NME5: variants seen among roughly 807,000 people sequenced by gnomAD.
NME5 encodes nucleoside diphosphate kinase 5.
NME5 carries 18 observed loss-of-function variants against 21.6 expected under a neutral mutation model. The observed-to-expected ratio is 0.83, with a 90% confidence interval of 0.58 to 1.24. NME5 has a LOEUF of 1.24. Ranked by LOEUF, NME5 falls within the 50% of genes most tolerant of loss-of-function variation. The pLI is 0.00. For missense variants in NME5, 223 were observed against 255.4 expected, an observed-to-expected ratio of 0.87 and a Z score of 0.86; for synonymous variants, 70 against 80.6, an observed-to-expected ratio of 0.87 and a Z score of 0.71.
chr5:138,117,987 A>T (rs1406645239), intron 5 of NME5, among the ~76,000 whole-genome samples: 1 of 152,110 alleles, frequency 6.6e-6, no homozygotes, highest in Non-Finnish European at 1.5e-5. Flanking sequence ...CCGTCTCAAA[A>T]AATAATAATA....
intron 4 of NME5, among the ~76,000 whole-genome samples, chr5:138,121,982 T>C (rs1369300513): frequency 2.0e-5 from 3 of 152,182 alleles, no homozygotes; most frequent in Non-Finnish European, 4.4e-5. Context: ...AATGAGCCAC[T>C]GCACCCAACC....
At chr5:138,123,353 C>T (rs1430877849) in intron 4 of NME5, among the ~76,000 whole-genome samples, 2 of 152,076 alleles carry the variant, frequency 1.3e-5, no homozygotes, top group Non-Finnish European at 2.9e-5. Context: ...AATAAGTATC[C>T]TTTGATCAAC....
At chr5:138,135,867 A>T (rs981654270) in intron 2 of NME5, among the ~76,000 whole-genome samples, 3 of 152,206 alleles carry the variant, frequency 2.0e-5, no homozygotes, top group Non-Finnish European at 4.4e-5. Context: ...CATTTTTCAA[A>T]TATTGGCAAA....
intron 5 of NME5, chr5:138,116,712 C>T (rs368179661): frequency 3.9e-5 from 6 of 153,662 alleles, no homozygotes; most frequent in African/African-American, 9.7e-5. Flanking sequence ...AATAAACCCA[C>T]GCATCTATGG....
chr5:138,131,249 C>T (rs1210157877), intron 2 of NME5, among the ~76,000 whole-genome samples: 2 of 145,426 alleles, frequency 1.4e-5, no homozygotes, highest in Admixed American at 6.9e-5. Flanking sequence ...GCCGTGGTGG[C>T]GGGCACCTAT....
intron 5 of NME5, among the ~76,000 whole-genome samples, chr5:138,117,028 G>C (rs932921038): frequency 4.0e-5 from 6 of 151,464 alleles, no homozygotes; most frequent in African/African-American, 1.5e-4. Flanking sequence ...GGCAACATAG[G>C]GAGACCCCAT....
chr5:138,129,604 A>T, intron 2 of NME5, 136 bp from the exon 3 acceptor site: 2 of 650,148 alleles, frequency 3.1e-6, no homozygotes, highest in Non-Finnish European at 2.7e-6. Flanking sequence ...GAAGAAAGAA[A>T]AGGATATAAT....
intron 4 of NME5, among the ~76,000 whole-genome samples, chr5:138,120,336 C>A (rs1751259830): frequency 6.6e-6 from 1 of 150,820 alleles, no homozygotes; most frequent in Non-Finnish European, 1.5e-5. Flanking sequence ...TGGGTTCACG[C>A]CATTCTCCTG....
chr5:138,136,664 G>A (rs184208482), intron 2 of NME5, among the ~76,000 whole-genome samples: 5 of 149,906 alleles, frequency 3.3e-5, no homozygotes, highest in East Asian at 1.9e-4. Flanking sequence ...TTTTTTTTTC[G>A]AGAGTTTCGC....
intron 2 of NME5, among the ~76,000 whole-genome samples, chr5:138,132,138 C>G (rs1390650202): frequency 6.6e-6 from 1 of 152,178 alleles, no homozygotes; most frequent in Non-Finnish European, 1.5e-5. Context: ...GGCAGGCGGA[C>G]TGCTTGAGTC....
chr5:138,115,690 T>C lies in NME5; in HGVS notation c.630A>G (p.Glu210=). ...PKLCHHPIVE[E]PY ...TTCGAGGATTTTTTTTTTAATAAGG[T>C]TCTTCTACAATTGGATGGTGACAAA... is the stretch of plus-strand genomic sequence containing the variant. Residue 210 remains glutamate (E), a synonymous_variant, in exon 6 of 6, where the codon GAA becomes GAG. Coordinates refer to ENST00000265191, the MANE Select transcript of NME5 (RefSeq NM_003551.3). The C allele has an allele frequency of 6.4e-7, 1 of 1,573,548 alleles. No homozygotes were observed. The highest frequency in any genetic ancestry group is 8.6e-7 in the Non-Finnish European group (1 of 1,165,146).
At chr5:138,118,989 A>C (rs1034561081) in intron 4 of NME5, 53 bp from the exon 5 acceptor site, 16 of 1,026,132 alleles carry the variant, frequency 1.6e-5, no homozygotes. Context: ...TAAATACTAT[A>C]CAATCATTAA....
At chr5:138,117,646 G>A (rs778603920) in intron 5 of NME5, among the ~76,000 whole-genome samples, 2 of 151,968 alleles carry the variant, frequency 1.3e-5, no homozygotes, top group South Asian at 2.1e-4. Flanking sequence ...CAAAACCACC[G>A]TGAGAAACCA....
chr5:138,138,628 T>C, intron 2 of NME5, 24 bp downstream of exon 2: 15 of 1,596,662 alleles, frequency 9.4e-6, no homozygotes, highest in Non-Finnish European at 1.3e-5. Context: ...GAAAAAAGCA[T>C]GAATCATCAT....
chr5:138,138,529 G>A, intron 2 of NME5, 123 bp downstream of exon 2: 1 of 784,106 alleles, frequency 1.3e-6, no homozygotes. Flanking sequence ...TTTATACTTA[G>A]AAGAATAAAC....
Position 138,115,633 on chromosome 5 carries a change from C to CT in NME5, c.*47dup. Reference sequence around the variant, plus strand: ...TTTTTTCAAACAGTAGAAGTACAGCCTTTTATAATAAGATAGTTCATGATT... The same window carrying CT: ...TTTTTTCAAACAGTAGAAGTACAGCCTTTTTATAATAAGATAGTTCATGATT... On this transcript the variant is annotated 3_prime_UTR_variant, in exon 6 of 6. Transcript: ENST00000265191. The CT allele has an allele frequency of 8.4e-7, 1 of 1,193,040 alleles. No individual in the cohort carries two copies. The highest frequency in any genetic ancestry group is 1.5e-5 in the South Asian group (1 of 66,640). The allele number at this position is 1,193,040 out of a possible 1,614,324, so 73.9% of individuals were successfully genotyped here.
Position 138,132,942 on chromosome 5 carries a change from T to G in NME5, c.130-3474A>C, listed in dbSNP as rs181322019. Among the ~76,000 whole-genome samples, 271 of 150,228 alleles carry G rather than the reference T, an allele frequency of 1.8e-3. 1 individual carries two copies. Among genetic ancestry groups the G allele is most frequent in the African/African-American group, 5.4e-3 (223 of 40,936 alleles). ...AAACTATGATTATGCGTATTAGCGTTTTTTTTTTTTGTTTTTTCTTGCTGA... is the reference window on the plus strand; with the variant it reads ...AAACTATGATTATGCGTATTAGCGTGTTTTTTTTTTGTTTTTTCTTGCTGA... On this transcript the variant is annotated intron_variant, in intron 2 of 5. Transcript: ENST00000265191.
At chr5:138,132,194 T>A (rs1300009255) in intron 2 of NME5, among the ~76,000 whole-genome samples, 2 of 152,056 alleles carry the variant, frequency 1.3e-5, no homozygotes, top group African/African-American at 4.8e-5. Context: ...ACCCCGTCTC[T>A]ACAAAAAATA....
At chr5:138,126,355 TG>T (rs943779108) in intron 4 of NME5, among the ~76,000 whole-genome samples, 8 of 150,840 alleles carry the variant, frequency 5.3e-5, no homozygotes, top group African/African-American at 1.9e-4. Flanking sequence ...ACAAAAAACT[TG>T]AAAAACTAGC....
Sources: allele counts gnomAD v4.1 joint callset (sites outside exome capture counted in the v4.1 genomes callset), GRCh38; gene constraint gnomAD v4.1.1; transcripts MANE v1.5; gene names NCBI Gene and HGNC (gene_info 2026-07-23, HGNC 2026-07-21).